Variants in NPY2R observed in about 807,000 individuals in gnomAD.
The protein encoded by NPY2R is neuropeptide Y receptor type 2.
In NPY2R, 17 loss-of-function variants were observed where a neutral mutation model predicts 22.3. The observed-to-expected ratio is 0.76, with a 90% CI of 0.52 to 1.14. The LOEUF (loss-of-function observed/expected upper bound fraction) is 1.14. NPY2R is among the 50% of genes most tolerant of loss of function. NPY2R has a pLI of 0.00. For synonymous variants in NPY2R, 209 were observed against 183.4 expected (o/e 1.14, Z -1.13); for missense variants, 424 against 467.9 (o/e 0.91, Z 0.87).
the NPY2R span, among the ~76,000 whole-genome samples, chr4:155,202,173 A>G: frequency 6.6e-5 from 10 of 152,220 alleles, no homozygotes; most frequent in Non-Finnish European, 5.9e-5. Context: ...AGAAGATGGT[A>G]TCCCAATGCT....
chr4:155,216,980 A>G lies in NPY2R; in HGVS notation c.*1895A>G. The G allele has an allele frequency of 6.0e-6, 1 of 167,118 alleles. No homozygotes were observed. The highest frequency in any genetic ancestry group is 2.4e-5 in the African/African-American group (1 of 41,598). The allele number at this position is 167,118 out of a possible 1,614,324, so 10.4% of individuals were successfully genotyped here. On this transcript the variant is annotated 3_prime_UTR_variant, in exon 2 of 2. Transcript: ENST00000329476. The stretch of plus-strand genomic sequence containing the variant: ...TTATTAGAATCCAATTAATGATTCA[A>G]TTAACATATATCTTATCCAATTCAT...
chr4:155,198,881 T>C, the NPY2R span, among the ~76,000 whole-genome samples: 46 of 152,018 alleles, frequency 3.0e-4, no homozygotes, highest in South Asian at 6.4e-3. Flanking sequence ...TGGGCTATAC[T>C]ACCCAGTGAA....
In NPY2R at chr4:155,214,992, T is replaced by A; in HGVS notation, c.1053T>A (p.Ser351=). The A allele has an allele frequency of 6.2e-7, 1 of 1,614,208 alleles. No homozygotes were observed. The highest frequency in any genetic ancestry group is 8.5e-7 in the Non-Finnish European group (1 of 1,180,018). The change falls in exon 2 of 2, where the codon TCT becomes TCA. Residue 351 remains serine, a synonymous_variant. Coordinates refer to ENST00000329476, the MANE Select transcript of NPY2R (RefSeq NM_000910.4). ...AGCAGCGGTTGGATGCCATTCACTC[T>A]GAGGTGTCCGTGACATTCAAGGCTA... ...RCEQRLDAIH[S]EVSVTFKAKK...
chr4:155,174,485 T>TATA, the NPY2R span, among the ~76,000 whole-genome samples: 104 of 41,670 alleles, frequency 2.5e-3, 1 homozygote, highest in African/African-American at 8.4e-3. Context: ...TATATATATA[T>TATA]TTTTTTTTTT....
chr4:155,214,254 G>T lies in NPY2R; in HGVS notation c.315G>T (p.Pro105=), dbSNP rs148709959. The T allele has an allele frequency of 5.2e-4, 846 of 1,613,942 alleles. 2 individuals are homozygous for T. Among genetic ancestry groups the T allele is most frequent in the Non-Finnish European group, 6.5e-4 (770 of 1,179,878 alleles). Residue 105 remains proline, a synonymous_variant, in exon 2 of 2, where the codon CCG becomes CCT. Coordinates refer to ENST00000329476, the MANE Select transcript of NPY2R (RefSeq NM_000910.4). ...TTTTGGTGAACACTCTGTGTCTACC[G>T]TTCACTCTTACCTATACCTTAATGG... ...ADLLVNTLCL[P]FTLTYTLMGE...
In NPY2R at chr4:155,213,998, A is replaced by G; in HGVS notation, c.59A>G (p.Glu20Gly). The change falls in exon 2 of 2, where the codon GAA becomes GGA. Residue 20 changes from glutamate (E) to glycine (G), a missense_variant. Glu to Gly is a moderately conservative substitution (Grantham distance 98, BLOSUM62 -2). Transcript: ENST00000329476. ...CAGACAGTGGAAGAAATGAAGGTGG[A>G]ACAATACGGGCCACAAACAACTCCT... Reference protein sequence around the residue: ...ENQTVEEMKVEQYGPQTTPRG... With the variant: ...ENQTVEEMKVGQYGPQTTPRG... 6.2e-7 allele frequency: 1 copy of G among 1,614,148 alleles called. No individual in the cohort carries two copies. The highest frequency in any genetic ancestry group is 8.5e-7 in the Non-Finnish European group (1 of 1,180,024).
the NPY2R span, among the ~76,000 whole-genome samples, chr4:155,186,090 G>A: frequency 6.6e-6 from 1 of 152,122 alleles, no homozygotes; most frequent in Non-Finnish European, 1.5e-5. Flanking sequence ...CAAGCTGTCA[G>A]TGTTCCTTCC....
At chr4:155,187,748 TGGTAA>T in the NPY2R span, among the ~76,000 whole-genome samples, 3 of 152,094 alleles carry the variant, frequency 2.0e-5, no homozygotes, top group African/African-American at 7.2e-5. Flanking sequence ...AAGAGTAAAA[TGGTAA>T]GGTGAGTTCA....
rs770400103 is a variant in NPY2R at position 155,213,946 on chromosome 4, C to T, written c.7C>T (p.Pro3Ser). ...AAGTGGACCTGTACTGAAAATGGGTCCAATAGGTGCAGAGGCTGATGAGAA... is the reference window on the plus strand; with the variant it reads ...AAGTGGACCTGTACTGAAAATGGGTTCAATAGGTGCAGAGGCTGATGAGAA... MG[P>S]IGAEADENQT... is the part of the protein sequence containing the mutation. Residue 3 changes from proline (P) to serine (S), a missense_variant, in exon 2 of 2, where the codon CCA becomes TCA. Physicochemically the swap from Pro to Ser is moderately conservative, Grantham distance 74. Transcript: ENST00000329476. 4.3e-6 allele frequency: 7 copies of T among 1,613,744 alleles called. No individual in the cohort carries two copies. Among genetic ancestry groups the T allele is most frequent in the Non-Finnish European group, 5.9e-6 (7 of 1,179,932 alleles).
chr4:155,203,737 G>A (rs986439020), upstream of NPY2R, among the ~76,000 whole-genome samples: 3 of 152,130 alleles, frequency 2.0e-5, no homozygotes, highest in Admixed American at 6.5e-5. Flanking sequence ...AGTTCTACAA[G>A]AGGGACTTAA....
intron 1 of NPY2R, among the ~76,000 whole-genome samples, chr4:155,212,320 A>G (rs1251474923): frequency 1.3e-5 from 2 of 152,212 alleles, no homozygotes; most frequent in Non-Finnish European, 2.9e-5. Flanking sequence ...TGAAAAAATG[A>G]AACTTATATT....
the NPY2R span, among the ~76,000 whole-genome samples, chr4:155,185,663 A>G: frequency 6.8e-6 from 1 of 146,604 alleles, no homozygotes; most frequent in Non-Finnish European, 1.5e-5. Context: ...AATATTAAAG[A>G]AATGCATTTT....
At chr4:155,182,819 G>A in the NPY2R span, among the ~76,000 whole-genome samples, 2 of 152,068 alleles carry the variant, frequency 1.3e-5, no homozygotes, top group Admixed American at 6.6e-5. Flanking sequence ...TTGAGATGGA[G>A]TCTCGCTGTT....
chr4:155,205,894 T>C (rs1487525886), upstream of NPY2R, among the ~76,000 whole-genome samples: 1 of 152,166 alleles, frequency 6.6e-6, no homozygotes, highest in Non-Finnish European at 1.5e-5. Flanking sequence ...CTAGGAGTTT[T>C]GGATTTTTAA....
At chr4:155,190,864 G>T in the NPY2R span, among the ~76,000 whole-genome samples, 2 of 151,814 alleles carry the variant, frequency 1.3e-5, no homozygotes, top group African/African-American at 4.8e-5. Flanking sequence ...GTTTTTCTAT[G>T]TTGGCTCTCT....
chr4:155,183,418 C>T, the NPY2R span, among the ~76,000 whole-genome samples: 1 of 152,068 alleles, frequency 6.6e-6, no homozygotes, highest in African/African-American at 2.4e-5. Context: ...GAAATGCTGT[C>T]GTTTTCACCA....
At chr4:155,180,171 C>T in the NPY2R span, among the ~76,000 whole-genome samples, 1 of 152,042 alleles carries the variant, frequency 6.6e-6, no homozygotes, top group African/African-American at 2.4e-5. Context: ...CCTCCCACCT[C>T]AGCCTCCCAA....
chr4:155,193,919 G>T, the NPY2R span, among the ~76,000 whole-genome samples: 1 of 151,854 alleles, frequency 6.6e-6, no homozygotes, highest in African/African-American at 2.4e-5. Context: ...TGGGAAATAG[G>T]TATTCATCAA....
intron 1 of NPY2R, among the ~76,000 whole-genome samples, chr4:155,211,484 A>G (rs1019597707): frequency 6.6e-6 from 1 of 152,116 alleles, no homozygotes. Flanking sequence ...GGCCAGAGGG[A>G]TATGCAGGGA....
Sources: gnomAD v4.1 joint callset for allele counts (sites outside exome capture counted in the v4.1 genomes callset) on GRCh38, gnomAD v4.1.1 for gene constraint, MANE v1.5 for transcripts, NCBI Gene and HGNC (gene_info 2026-07-23, HGNC 2026-07-21) for gene names.